SPAST: variants seen among roughly 807,000 people sequenced by gnomAD.
SPAST encodes spastin, also known as spastic paraplegia 4 (autosomal dominant; spastin).
In SPAST, 30 loss-of-function variants were observed where a neutral mutation model predicts 76.6. The ratio of observed to expected loss-of-function variants is 0.39; its 90% CI spans 0.29 to 0.53. SPAST has a LOEUF of 0.53. Ranked by LOEUF, SPAST falls within the 20% of genes least tolerant of loss-of-function variation. SPAST has a pLI of 0.68. For synonymous variants in SPAST, 305 were observed against 281.0 expected (o/e 1.09, Z -0.86); for missense variants, 717 against 770.5 (o/e 0.93, Z 0.82).
intron 4 of SPAST, among the ~76,000 whole-genome samples, chr2:32,113,013 C>A (rs887387558): frequency 2.0e-5 from 3 of 152,090 alleles, no homozygotes; most frequent in African/African-American, 7.2e-5. Context: ...GACAAATAAC[C>A]TTTTCAACTT....
chr2:32,084,759 C>A (rs2148706626), intron 1 of SPAST, among the ~76,000 whole-genome samples: 1 of 151,442 alleles, frequency 6.6e-6, no homozygotes, highest in East Asian at 2.0e-4. Context: ...TGGTGGTGCA[C>A]ACCTGTAATC....
chr2:32,064,282 GGGAAGAAGGCGGTGGGGTCGCC>G, intron 1 of SPAST, 36 bp downstream of exon 1: 3 of 1,443,832 alleles, frequency 2.1e-6, no homozygotes, highest in Non-Finnish European at 1.9e-6. Flanking sequence ...CGGCGGCGCC[GGGAAGAAGGCGGTGGGGTCGCC>G]GGGGGAGGGC....
intron 7 of SPAST, among the ~76,000 whole-genome samples, chr2:32,121,193 C>T (rs1679005418): frequency 6.6e-6 from 1 of 152,122 alleles, no homozygotes; most frequent in South Asian, 2.1e-4. Context: ...ACTCTTCTCA[C>T]CCAGGCTAGA....
At position 32,114,912 on chromosome 2, in the gene SPAST, T is replaced by C; in HGVS notation, c.870+87T>C. 3.3e-6 allele frequency: 3 copies of C among 908,040 alleles called. 1 individual carries two copies. The South Asian group carries it at 4.1e-5, about 12-fold the overall frequency. The allele number at this position is 908,040 out of a possible 1,614,324, so 56.2% of individuals were successfully genotyped here. On this transcript the variant is annotated intron_variant, in intron 5 of 16. Transcript: ENST00000315285. ...TATTCCTGCTTAAGTTGATCATAAG[T>C]ACTTTATAATACTTTAGAGAATGGA...
intron 1 of SPAST, among the ~76,000 whole-genome samples, chr2:32,073,397 C>G (rs374648074): frequency 6.6e-6 from 1 of 152,202 alleles, no homozygotes; most frequent in Non-Finnish European, 1.5e-5. Flanking sequence ...CTGTCTTACT[C>G]TCTCTGTTCC....
intron 1 of SPAST, among the ~76,000 whole-genome samples, chr2:32,081,635 T>G (rs1367577959): frequency 1.5e-4 from 23 of 151,576 alleles, no homozygotes; most frequent in Admixed American, 1.5e-3. Flanking sequence ...AATACAAAAC[T>G]TAGCTGGGCG....
chr2:32,110,377 C>T (rs1415289387), intron 4 of SPAST, among the ~76,000 whole-genome samples: 3 of 149,190 alleles, frequency 2.0e-5, no homozygotes, highest in African/African-American at 7.3e-5. Context: ...CTCGGCCTCC[C>T]AAAGTGCTGG....
intron 15 of SPAST, among the ~76,000 whole-genome samples, chr2:32,146,851 C>CAAAAAAAAAAAA (rs397984237): frequency 2.1e-4 from 4 of 19,244 alleles, no homozygotes; most frequent in Non-Finnish European, 4.4e-4. Flanking sequence ...GACTCTGTCT[C>CAAAAAAAAAAAA]AAAAAAAAAA....
intron 4 of SPAST, among the ~76,000 whole-genome samples, chr2:32,099,992 C>T (rs1012423007): frequency 2.0e-5 from 3 of 149,776 alleles, no homozygotes; most frequent in Non-Finnish European, 4.5e-5. Flanking sequence ...GATGTCTGTT[C>T]GATATGATGA....
chr2:32,140,962 T>TA (rs1361490311), intron 12 of SPAST, among the ~76,000 whole-genome samples: 1 of 143,004 alleles, frequency 7.0e-6, no homozygotes, highest in South Asian at 2.2e-4. Context: ...TTTTTTTTTT[T>TA]AAATGAGCCC....
At position 32,115,697 on chromosome 2, in the gene SPAST, T is replaced by G. The variant is rs1159549856; in HGVS notation, c.871-5T>G. The stretch of plus-strand genomic sequence containing the variant: ...TTTTCATATTAAAATTTTGTATCCT[T>G]TAAGGGTACTCCGAAAACAAATAGG... On this transcript the variant is annotated splice_polypyrimidine_tract_variant and splice_region_variant and intron_variant, in intron 5 of 16. Coordinates refer to ENST00000315285, the MANE Select transcript of SPAST (RefSeq NM_014946.4). The G allele has an allele frequency of 4.4e-6, 7 of 1,602,332 alleles. No individual in the cohort carries two copies. The highest frequency in any genetic ancestry group is 1.1e-5 in the South Asian group (1 of 90,242).
At chr2:32,139,906 G>T (rs2148756655) in intron 12 of SPAST, among the ~76,000 whole-genome samples, 1 of 149,546 alleles carries the variant, frequency 6.7e-6, no homozygotes, top group African/African-American at 2.5e-5. Context: ...GGAGGTGAAA[G>T]AATCTGTATG....
chr2:32,111,365 C>A (rs28394079), intron 4 of SPAST, among the ~76,000 whole-genome samples: 113,244 of 123,650 alleles, frequency 0.92, 52,098 homozygotes, highest in Middle Eastern at 0.95. Context: ...GTGTGTATAG[C>A]GTATATATAG....
At chr2:32,064,394 G>A in intron 1 of SPAST, 148 bp downstream of exon 1, 2 of 729,130 alleles carry the variant, frequency 2.7e-6, no homozygotes, top group Admixed American at 2.9e-5. Flanking sequence ...TTTCCCGTAG[G>A]TCGGAGCCTC....
In SPAST at chr2:32,137,102, C is replaced by T. The variant is rs755906898; in HGVS notation, c.1414-7C>T. The T allele has an allele frequency of 6.2e-7, 1 of 1,612,182 alleles. No homozygotes were observed. The highest frequency in any genetic ancestry group is 8.5e-7 in the Non-Finnish European group (1 of 1,178,444). ...AAATGAATTGAAAAAAGATTTTTTG[C>T]TTGTAGGTACAGTCTGCTGGAGATG... On this transcript the variant is annotated splice_polypyrimidine_tract_variant and splice_region_variant and intron_variant, in intron 11 of 16. Transcript: ENST00000315285.
chr2:32,083,153 G>C (rs1328757086), intron 1 of SPAST, among the ~76,000 whole-genome samples: 1 of 151,938 alleles, frequency 6.6e-6, no homozygotes, highest in African/African-American at 2.4e-5. Flanking sequence ...TGTATTTTTA[G>C]TAGAGATGGG....
chr2:32,080,547 G>A (rs1677177886), intron 1 of SPAST, among the ~76,000 whole-genome samples: 1 of 151,476 alleles, frequency 6.6e-6, no homozygotes, highest in Admixed American at 6.6e-5. Flanking sequence ...TGTTATATGG[G>A]GTCATAGAGT....
At chr2:32,132,068 C>T (rs188127116) in intron 9 of SPAST, among the ~76,000 whole-genome samples, 34 of 152,290 alleles carry the variant, frequency 2.2e-4, no homozygotes, top group Admixed American at 1.9e-3. Context: ...TCTGATACTG[C>T]CTGAATATCT....
chr2:32,066,777 C>T (rs1676528603), intron 1 of SPAST, among the ~76,000 whole-genome samples: 1 of 151,770 alleles, frequency 6.6e-6, no homozygotes, highest in Admixed American at 6.6e-5. Context: ...AGTTTGAGAC[C>T]AGCCTGGGCA....
Sources: gnomAD v4.1 joint callset for allele counts (sites outside exome capture counted in the v4.1 genomes callset) on GRCh38, gnomAD v4.1.1 for gene constraint, MANE v1.5 for transcripts, NCBI Gene and HGNC (gene_info 2026-07-23, HGNC 2026-07-21) for gene names.